The following MDGA2 variants were observed in gnomAD, a reference collection of about 807,000 sequenced individuals.
MDGA2 encodes MAM domain containing glycosylphosphatidylinositol anchor 2.
Under a neutral mutation model 117.8 loss-of-function variants are expected in MDGA2, and 40 were observed. The observed-to-expected ratio is 0.34, with a 90% CI of 0.26 to 0.44. The LOEUF (loss-of-function observed/expected upper bound fraction) is 0.44, where lower values mean the gene tolerates loss of function less well. MDGA2 is among the 20% of genes least tolerant of loss of function. The pLI is 1.00. For missense variants in MDGA2, 1,123 were observed against 1,250.6 expected (o/e 0.90, Z 1.54); for synonymous variants, 452 against 439.0 (o/e 1.03, Z -0.37).
intron 8 of MDGA2, among the ~76,000 whole-genome samples, chr14:46,977,646 A>T (rs771007675): frequency 1.3e-5 from 2 of 151,952 alleles, no homozygotes; most frequent in African/African-American, 2.4e-5. Context: ...TTAAGTCAGA[A>T]TTTTACTTAA....
Position 47,569,701 on chromosome 14 carries a change from A to G in MDGA2, c.280+104816T>C, listed in dbSNP as rs754413262. Among the ~76,000 whole-genome samples, 3 of 152,360 alleles carry G rather than the reference A, an allele frequency of 2.0e-5. No homozygotes were observed. The South Asian group carries it at 6.2e-4, about 32-fold the overall frequency. ...GGCCAGTTCTGTCAGAATTTCCATT[A>G]CTACAGCTCACAGTGTCCTAATTCA... On this transcript the variant is annotated intron_variant, in intron 1 of 16. Transcript: ENST00000399232.
At chr14:46,939,653 C>T (rs964296678) in intron 9 of MDGA2, among the ~76,000 whole-genome samples, 1 of 152,150 alleles carries the variant, frequency 6.6e-6, no homozygotes, top group Non-Finnish European at 1.5e-5. Flanking sequence ...TTGTTAGTTG[C>T]TGTATTTGTC....
intron 1 of MDGA2, among the ~76,000 whole-genome samples, chr14:47,567,047 G>A (rs755150865): frequency 6.6e-6 from 1 of 151,798 alleles, no homozygotes; most frequent in Non-Finnish European, 1.5e-5. Flanking sequence ...TCAGACTACA[G>A]GCATGTGCCA....
intron 3 of MDGA2, among the ~76,000 whole-genome samples, chr14:47,153,791 CA>C (rs1379520468): frequency 1.3e-5 from 2 of 150,400 alleles, no homozygotes. Context: ...GAGGTAGAGT[CA>C]AAACAAATCA....
intron 8 of MDGA2, among the ~76,000 whole-genome samples, chr14:47,019,497 T>C (rs1888207164): frequency 6.6e-6 from 1 of 152,146 alleles, no homozygotes; most frequent in African/African-American, 2.4e-5. Flanking sequence ...ACCAACCTAA[T>C]AACAACGTGT....
intron 14 of MDGA2, among the ~76,000 whole-genome samples, chr14:46,863,776 GA>G (rs141362293): frequency 0.02 from 3,036 of 151,574 alleles, 90 homozygotes; most frequent in African/African-American, 0.069. Flanking sequence ...ATGAAGAATA[GA>G]AAAAAAATGA....
intron 9 of MDGA2, among the ~76,000 whole-genome samples, chr14:46,925,830 T>C (rs1358619921): frequency 6.6e-6 from 1 of 151,708 alleles, no homozygotes; most frequent in Non-Finnish European, 1.5e-5. Flanking sequence ...AAAAATCAAA[T>C]CTCTCAGACA....
At chr14:47,542,942 G>A (rs1315682481) in intron 1 of MDGA2, among the ~76,000 whole-genome samples, 1 of 152,174 alleles carries the variant, frequency 6.6e-6, no homozygotes, top group African/African-American at 2.4e-5. Flanking sequence ...GGGTGCACTG[G>A]CTCACACCTG....
intron 1 of MDGA2, among the ~76,000 whole-genome samples, chr14:47,466,249 C>A (rs1893601597): frequency 6.6e-6 from 1 of 151,900 alleles, no homozygotes; most frequent in Non-Finnish European, 1.5e-5. Context: ...GCAAAATAAT[C>A]TGTACAATAA....
At chr14:47,530,126 C>T (rs1454630640) in intron 1 of MDGA2, among the ~76,000 whole-genome samples, 1 of 152,158 alleles carries the variant, frequency 6.6e-6, no homozygotes, top group Non-Finnish European at 1.5e-5. Flanking sequence ...CCCAGGAAAG[C>T]AGATGTTCAT....
chr14:47,276,559 A>C (rs1400981394), intron 2 of MDGA2, among the ~76,000 whole-genome samples: 1 of 152,164 alleles, frequency 6.6e-6, no homozygotes. Context: ...AAAAAGAGAT[A>C]ATGGGTCATA....
chr14:47,074,469 T>A (rs1890417641), intron 6 of MDGA2, among the ~76,000 whole-genome samples: 1 of 152,032 alleles, frequency 6.6e-6, no homozygotes, highest in African/African-American at 2.4e-5. Flanking sequence ...CCCGGCTAAT[T>A]TTTTCTATTT....
chr14:46,973,667 T>C (rs1158733830), intron 8 of MDGA2, among the ~76,000 whole-genome samples: 2 of 152,102 alleles, frequency 1.3e-5, no homozygotes, highest in African/African-American at 4.8e-5. Flanking sequence ...GGCAAAAGAA[T>C]GTTTCAGCTA....
At chr14:46,927,545 G>T (rs1254060772) in intron 9 of MDGA2, among the ~76,000 whole-genome samples, 2 of 152,120 alleles carry the variant, frequency 1.3e-5, no homozygotes, top group Non-Finnish European at 2.9e-5. Flanking sequence ...CAATATGTAT[G>T]CAGGAAATAA....
In MDGA2 at chr14:46,874,123, T is replaced by G; in HGVS notation, c.2515A>C (p.Lys839Gln). Residue 839 changes from lysine (K) to glutamine (Q), a missense_variant, in exon 13 of 17, where the codon AAG becomes CAG. Transcript: ENST00000399232. ...GTATTTCTTGTTGCTGTACTTTGCT[T>G]TGTCCAGTCAAAATTATCTGTATCA... ...QDDTDNFDWT[K>Q]QSTATRNTKY... 1 of 1,550,618 alleles carries G rather than the reference T, an allele frequency of 6.4e-7. No individual in the cohort carries two copies. The highest frequency in any genetic ancestry group is 8.7e-7 in the Non-Finnish European group (1 of 1,149,594).
intron 11 of MDGA2, among the ~76,000 whole-genome samples, chr14:46,880,718 C>T (rs1486684024): frequency 6.9e-6 from 1 of 144,072 alleles, no homozygotes; most frequent in Non-Finnish European, 1.5e-5. Context: ...AGGATAATTG[C>T]TTGTACCCAG....
chr14:47,452,328 C>T (rs1345023972), intron 1 of MDGA2, among the ~76,000 whole-genome samples: 1 of 152,070 alleles, frequency 6.6e-6, no homozygotes, highest in African/African-American at 2.4e-5. Context: ...TACTTGAATA[C>T]AGAAGAAACT....
intron 1 of MDGA2, among the ~76,000 whole-genome samples, chr14:47,471,447 T>C (rs997195891): frequency 3.3e-5 from 5 of 152,164 alleles, no homozygotes; most frequent in Non-Finnish European, 4.4e-5. Context: ...AGAAAAATCA[T>C]TATATGAACC....
At chr14:47,097,393 A>G (rs1880038417) in intron 5 of MDGA2, among the ~76,000 whole-genome samples, 1 of 152,048 alleles carries the variant, frequency 6.6e-6, no homozygotes, top group Admixed American at 6.6e-5. Flanking sequence ...TGAAATTGGA[A>G]TAATAAGCAT....
Sources: gnomAD v4.1 joint callset for allele counts (sites outside exome capture counted in the v4.1 genomes callset) on GRCh38, gnomAD v4.1.1 for gene constraint, MANE v1.5 for transcripts, NCBI Gene and HGNC (gene_info 2026-07-23, HGNC 2026-07-21) for gene names.